The following CAMKMT variants were observed in gnomAD, a reference collection of about 807,000 sequenced individuals.
The protein encoded by CAMKMT is CaM KMT.
Under a neutral mutation model 48.0 loss-of-function variants are expected in CAMKMT, and 53 were observed. The ratio of observed to expected loss-of-function variants is 1.10; its 90% CI spans 0.89 to 1.39. The LOEUF (loss-of-function observed/expected upper bound fraction) is 1.39. Among genes scored for constraint, CAMKMT ranks in the 40% most tolerant of loss-of-function variants. The probability of loss-of-function intolerance (pLI) is 0.00; values close to 1 mark genes in which losing one functional copy is unlikely to be tolerated. For missense variants in CAMKMT, 428 were observed against 402.7 expected (o/e 1.06, Z -0.54); for synonymous variants, 165 against 152.3 (o/e 1.08, Z -0.61).
intron 3 of CAMKMT, among the ~76,000 whole-genome samples, chr2:44,632,912 C>T (rs59772636): frequency 0.035 from 5,285 of 152,248 alleles, 260 homozygotes; most frequent in African/African-American, 0.11. Flanking sequence ...CTCCTTGCTC[C>T]TCATCTTGCA....
intron 3 of CAMKMT, among the ~76,000 whole-genome samples, chr2:44,508,045 T>C (rs996047815): frequency 6.6e-6 from 1 of 152,222 alleles, no homozygotes; most frequent in African/African-American, 2.4e-5. Flanking sequence ...GAGACTTTGA[T>C]AAAGTAAAAA....
intron 3 of CAMKMT, among the ~76,000 whole-genome samples, chr2:44,600,259 G>T (rs891061828): frequency 1.3e-5 from 2 of 150,590 alleles, no homozygotes; most frequent in South Asian, 4.2e-4. Context: ...ATGAGACCAA[G>T]ATTTTTTTTT....
At chr2:44,516,096 C>T (rs1045707746) in intron 3 of CAMKMT, among the ~76,000 whole-genome samples, 1 of 152,048 alleles carries the variant, frequency 6.6e-6, no homozygotes, top group African/African-American at 2.4e-5. Flanking sequence ...GTGAAATGTA[C>T]CAGGGGTGCT....
At chr2:44,732,543 C>A (rs1679135397) in intron 7 of CAMKMT, among the ~76,000 whole-genome samples, 1 of 152,100 alleles carries the variant, frequency 6.6e-6, no homozygotes, top group South Asian at 2.1e-4. Context: ...CTTGTATGCG[C>A]CTTGCTCTTT....
At chr2:44,422,137 C>T (rs985537862) in intron 3 of CAMKMT, among the ~76,000 whole-genome samples, 7 of 152,098 alleles carry the variant, frequency 4.6e-5, no homozygotes, top group Non-Finnish European at 1.0e-4. Flanking sequence ...TTGCTTGGTG[C>T]CGTCCTTGTA....
chr2:44,648,465 G>A (rs2104026260), intron 3 of CAMKMT, among the ~76,000 whole-genome samples: 1 of 152,284 alleles, frequency 6.6e-6, no homozygotes, highest in Middle Eastern at 3.4e-3. Context: ...AGAACATGAT[G>A]GCATTCTTCA....
At chr2:44,453,964 C>G (rs1021133927) in intron 3 of CAMKMT, among the ~76,000 whole-genome samples, 2 of 151,938 alleles carry the variant, frequency 1.3e-5, no homozygotes, top group African/African-American at 4.8e-5. Context: ...GCAGTGTTGT[C>G]TTAATGGAAG....
At chr2:44,605,946 A>T (rs1346231940) in intron 3 of CAMKMT, among the ~76,000 whole-genome samples, 1 of 152,128 alleles carries the variant, frequency 6.6e-6, no homozygotes, top group Non-Finnish European at 1.5e-5. Flanking sequence ...TATAGGCAAA[A>T]TTTCCTTTCA....
At chr2:44,572,377 A>C (rs1256166960) in intron 3 of CAMKMT, among the ~76,000 whole-genome samples, 1 of 152,184 alleles carries the variant, frequency 6.6e-6, no homozygotes, top group African/African-American at 2.4e-5. Flanking sequence ...CGAATCATAC[A>C]GGGTTTGTCC....
chr2:44,683,701 T>C (rs1305511287), intron 3 of CAMKMT, among the ~76,000 whole-genome samples: 1 of 151,000 alleles, frequency 6.6e-6, no homozygotes, highest in African/African-American at 2.4e-5. Flanking sequence ...CGGACGCCTG[T>C]AGTCCCAGCT....
chr2:44,390,434 A>T (rs915317217), intron 3 of CAMKMT, 129 bp downstream of exon 3: 10 of 514,922 alleles, frequency 1.9e-5, no homozygotes, highest in Non-Finnish European at 2.8e-5. Flanking sequence ...TATAATAGAA[A>T]GTTTGACTGT....
chr2:44,392,807 G>C (rs1681474843), intron 3 of CAMKMT, among the ~76,000 whole-genome samples: 2 of 151,904 alleles, frequency 1.3e-5, no homozygotes, highest in Non-Finnish European at 2.9e-5. Context: ...ACTTTTGATA[G>C]AGAGTGAAAG....
chr2:44,489,047 T>C (rs191449228), intron 3 of CAMKMT, among the ~76,000 whole-genome samples: 117 of 151,974 alleles, frequency 7.7e-4, no homozygotes, highest in African/African-American at 2.7e-3. Context: ...TAAACATTGT[T>C]TTAGAAATGG....
intron 3 of CAMKMT, among the ~76,000 whole-genome samples, chr2:44,532,466 C>G (rs1378425437): frequency 2.0e-5 from 3 of 152,136 alleles, no homozygotes; most frequent in African/African-American, 4.8e-5. Flanking sequence ...ACATTTAGAC[C>G]TGTGTCACAG....
intron 6 of CAMKMT, among the ~76,000 whole-genome samples, chr2:44,715,051 G>A (rs184288781): frequency 3.3e-5 from 5 of 152,000 alleles, no homozygotes; most frequent in Admixed American, 2.6e-4. Context: ...AAATTAGCTG[G>A]GTGTGGTGGC....
intron 3 of CAMKMT, among the ~76,000 whole-genome samples, chr2:44,566,937 A>G (rs181276736): frequency 3.9e-5 from 6 of 152,264 alleles, no homozygotes; most frequent in Admixed American, 2.6e-4. Context: ...TCTCAGGGAG[A>G]TAAGAGTCTA....
At chr2:44,682,960 G>C (rs1676108151) in intron 3 of CAMKMT, among the ~76,000 whole-genome samples, 1 of 152,168 alleles carries the variant, frequency 6.6e-6, no homozygotes, top group African/African-American at 2.4e-5. Context: ...TAAGACTAAT[G>C]ACCGTGTAGA....
intron 7 of CAMKMT, among the ~76,000 whole-genome samples, chr2:44,720,890 T>C (rs2104317304): frequency 6.6e-6 from 1 of 152,338 alleles, no homozygotes; most frequent in Admixed American, 6.5e-5. Context: ...ACTAGCATTT[T>C]TATTTCTCTT....
chr2:44,542,990 T>C (rs1667212233), intron 3 of CAMKMT, among the ~76,000 whole-genome samples: 1 of 152,192 alleles, frequency 6.6e-6, no homozygotes, highest in Non-Finnish European at 1.5e-5. Flanking sequence ...TACTTACTTA[T>C]TAAAATAGAG....
Sources: gnomAD v4.1 joint callset for allele counts (sites outside exome capture counted in the v4.1 genomes callset) on GRCh38, gnomAD v4.1.1 for gene constraint, MANE v1.5 for transcripts, NCBI Gene and HGNC (gene_info 2026-07-23, HGNC 2026-07-21) for gene names.